The following MYO18B variants were observed in gnomAD, a reference collection of about 807,000 sequenced individuals.
MYO18B encodes unconventional myosin-XVIIIb.
MYO18B carries 204 observed loss-of-function variants against 273.0 expected under a neutral mutation model. The observed-to-expected ratio is 0.75, with a 90% CI of 0.67 to 0.84. The LOEUF (loss-of-function observed/expected upper bound fraction) is 0.84, where lower values mean the gene tolerates loss of function less well. Among genes scored for constraint, MYO18B ranks in the 40% least tolerant of loss-of-function variants. The probability of loss-of-function intolerance (pLI) is 0.00; values close to 1 mark genes in which losing one functional copy is unlikely to be tolerated. For synonymous variants in MYO18B, 1,330 were observed against 1,305.7 expected, an observed-to-expected ratio of 1.02 and a Z score of -0.40; for missense variants, 3,212 against 3,287.6, an observed-to-expected ratio of 0.98 and a Z score of 0.56.
At chr22:25,859,060 CATG>C (rs1423868377) in intron 21 of MYO18B, among the ~76,000 whole-genome samples, 2 of 152,148 alleles carry the variant, frequency 1.3e-5, no homozygotes, top group Non-Finnish European at 2.9e-5. Context: ...AACGTATTGA[CATG>C]GTGACTTTCA....
intron 12 of MYO18B, among the ~76,000 whole-genome samples, chr22:25,807,511 C>T (rs1316621530): frequency 6.6e-6 from 1 of 152,166 alleles, no homozygotes; most frequent in Non-Finnish European, 1.5e-5. Context: ...CATGTGGCTG[C>T]AGTCAACTGG....
chr22:26,035,665 C>A (rs991781104), downstream of MYO18B, among the ~76,000 whole-genome samples: 10 of 152,222 alleles, frequency 6.6e-5, no homozygotes, highest in African/African-American at 2.4e-4. Context: ...ATCATTGAGA[C>A]AACAAATGTT....
At chr22:25,889,829 A>G (rs1406203248) in intron 25 of MYO18B, among the ~76,000 whole-genome samples, 1 of 152,180 alleles carries the variant, frequency 6.6e-6, no homozygotes, top group Non-Finnish European at 1.5e-5. Flanking sequence ...AAAAATTCCT[A>G]TTTTAAAATT....
At chr22:25,880,027 T>A (rs1037283091) in intron 25 of MYO18B, among the ~76,000 whole-genome samples, 1 of 152,190 alleles carries the variant, frequency 6.6e-6, no homozygotes, top group Non-Finnish European at 1.5e-5. Flanking sequence ...CAATTTGATA[T>A]GAGGTTTGGT....
chr22:25,885,968 T>C (rs2091486476), intron 25 of MYO18B, among the ~76,000 whole-genome samples: 1 of 152,238 alleles, frequency 6.6e-6, no homozygotes, highest in South Asian at 2.1e-4. Context: ...TTCCCATGTA[T>C]GAATTGCTGT....
At chr22:25,743,457 G>C (rs1370647664) in intron 1 of MYO18B, among the ~76,000 whole-genome samples, 1 of 151,776 alleles carries the variant, frequency 6.6e-6, no homozygotes. Flanking sequence ...ATAGTGGAGA[G>C]GAGAGAGAGA....
At chr22:25,876,630 C>T (rs1569140975) in intron 24 of MYO18B, among the ~76,000 whole-genome samples, 1 of 149,568 alleles carries the variant, frequency 6.7e-6, no homozygotes, top group East Asian at 2.0e-4. Flanking sequence ...TCTTTGAGTC[C>T]TTTATTTATT....
chr22:26,008,829 C>T (rs1327466418), intron 42 of MYO18B, among the ~76,000 whole-genome samples: 1 of 152,224 alleles, frequency 6.6e-6, no homozygotes, highest in East Asian at 1.9e-4. Context: ...TTCCACTGCT[C>T]TGTGGATGAG....
rs765877901 is a variant in MYO18B, at chr22:25,898,356, A to G, written c.4718A>G (p.Gln1573Arg). The change falls in exon 29 of 44, where the codon CAA becomes CGA. Residue 1573 changes from glutamine to arginine, a missense_variant. By Grantham distance (43) the Gln-to-Arg change is conservative (BLOSUM62 1). Coordinates refer to ENST00000335473, the MANE Select transcript of MYO18B (RefSeq NM_032608.7). Reference sequence around the variant, plus strand: ...GACGGGGCCAAGAAGATGGCTCACCAACTGAAGAGGAAGTGCCACCATCTT... The same window carrying G: ...GACGGGGCCAAGAAGATGGCTCACCGACTGAAGAGGAAGTGCCACCATCTT... The part of the protein sequence containing the change: ...AYDGAKKMAH[Q>R]LKRKCHHLTC... The G allele has an allele frequency of 7.4e-6, 12 of 1,613,860 alleles. No homozygotes were observed. The highest frequency in any genetic ancestry group is 6.8e-6 in the Non-Finnish European group (8 of 1,179,870).
In MYO18B at chr22:26,030,959, T is replaced by C. The variant is rs1278961549; in HGVS notation, c.*529T>C. 7.5e-6 allele frequency: 3 copies of C among 398,468 alleles called. No homozygotes were observed. Among genetic ancestry groups the C allele is most frequent in the African/African-American group, 4.1e-5 (2 of 48,606 alleles). 24.7% of individuals were successfully genotyped at this position (398,468 alleles called of 1,614,324 possible). A position where few individuals can be genotyped will look rare whatever the true frequency, so the allele number is the denominator to read the frequency against. ...TTCATTTCTCTATCCTGTGTATGTA[T>C]AAGTGTGTACAAGCATTCAAGAAAC... On this transcript the variant is annotated 3_prime_UTR_variant, in exon 44 of 44. Transcript: ENST00000335473.
intron 27 of MYO18B, among the ~76,000 whole-genome samples, chr22:25,891,989 GC>G (rs528279248): frequency 6.6e-6 from 1 of 152,198 alleles, no homozygotes; most frequent in Non-Finnish European, 1.5e-5. Context: ...GGGCTACAGA[GC>G]AAGACCCTGT....
intron 7 of MYO18B, 50 bp downstream of exon 7, chr22:25,772,560 C>A: frequency 1.3e-6 from 2 of 1,548,206 alleles, no homozygotes; most frequent in Non-Finnish European, 1.8e-6. Context: ...GGCAGGGGGG[C>A]CTGGGGGGAT....
intron 42 of MYO18B, among the ~76,000 whole-genome samples, chr22:26,008,377 C>G (rs1934606302): frequency 6.6e-6 from 1 of 152,184 alleles, no homozygotes; most frequent in South Asian, 2.1e-4. Context: ...AACAGGACTC[C>G]TATTTATACC....
chr22:25,903,903 A>C (rs773769478), intron 31 of MYO18B, 72 bp downstream of exon 31: 224 of 1,483,494 alleles, frequency 1.5e-4, no homozygotes, highest in Non-Finnish European at 1.8e-4. Flanking sequence ...TTAAAATACA[A>C]TGTGGGTGCC....
chr22:25,811,868 A>G (rs1340731746), intron 12 of MYO18B, among the ~76,000 whole-genome samples: 1 of 152,192 alleles, frequency 6.6e-6, no homozygotes, highest in African/African-American at 2.4e-5. Flanking sequence ...TGGCAGGGGA[A>G]CTGTTAGGTC....
chr22:25,807,508 C>T (rs1240008245), intron 12 of MYO18B, among the ~76,000 whole-genome samples: 1 of 152,166 alleles, frequency 6.6e-6, no homozygotes. Flanking sequence ...TCTCATGTGG[C>T]TGCAGTCAAC....
chr22:25,999,967 A>G (rs1417694059), intron 40 of MYO18B, among the ~76,000 whole-genome samples: 1 of 152,074 alleles, frequency 6.6e-6, no homozygotes, highest in Non-Finnish European at 1.5e-5. Context: ...TCTTTTTTTA[A>G]AAAGCCACTT....
intron 1 of MYO18B, among the ~76,000 whole-genome samples, chr22:25,755,137 C>T (rs1176386145): frequency 1.3e-5 from 2 of 152,164 alleles, no homozygotes; most frequent in African/African-American, 4.8e-5. Flanking sequence ...CTTTCCTTCT[C>T]TTCTTTCCCC....
At chr22:25,815,742 A>C (rs1277478267) in intron 12 of MYO18B, among the ~76,000 whole-genome samples, 1 of 152,038 alleles carries the variant, frequency 6.6e-6, no homozygotes, top group Non-Finnish European at 1.5e-5. Context: ...TTCCGCATAC[A>C]TGTTGGCATA....
Sources: gnomAD v4.1 joint callset for allele counts (sites outside exome capture counted in the v4.1 genomes callset) on GRCh38, gnomAD v4.1.1 for gene constraint, MANE v1.5 for transcripts, NCBI Gene and HGNC (gene_info 2026-07-23, HGNC 2026-07-21) for gene names.